KCNIP4: variants seen among roughly 807,000 people sequenced by gnomAD.
The protein encoded by KCNIP4 is potassium voltage-gated channel interacting protein 4.
KCNIP4 carries 12 observed loss-of-function variants against 34.0 expected under a neutral mutation model. That is an observed-to-expected ratio of 0.35 (90% CI 0.23 to 0.57). The LOEUF is 0.57. KCNIP4 is among the 20% of genes least tolerant of loss of function. KCNIP4 has a pLI of 0.83. For synonymous variants in KCNIP4, 124 were observed against 102.2 expected (o/e 1.21, Z -1.29); for missense variants, 238 against 311.7 (o/e 0.76, Z 1.78).
At chr4:21,623,974 T>C (rs996890351) in intron 1 of KCNIP4, among the ~76,000 whole-genome samples, 1 of 151,794 alleles carries the variant, frequency 6.6e-6, no homozygotes, top group African/African-American at 2.4e-5. Context: ...GGGTGGGTGA[T>C]GGTGATATAT....
At chr4:20,814,257 A>G (rs1206557539) in intron 3 of KCNIP4, among the ~76,000 whole-genome samples, 2 of 152,184 alleles carry the variant, frequency 1.3e-5, no homozygotes, top group African/African-American at 4.8e-5. Flanking sequence ...AGAACCACTG[A>G]TATTTAGGAC....
chr4:20,983,929 C>T (rs1161983776), intron 1 of KCNIP4: 1 of 1,536,104 alleles, frequency 6.5e-7, no homozygotes, highest in Admixed American at 2.0e-5. Flanking sequence ...TCAACATCCT[C>T]TGAGCTGGCA....
At chr4:20,828,740 T>C (rs369093518) in intron 3 of KCNIP4, among the ~76,000 whole-genome samples, 1 of 152,328 alleles carries the variant, frequency 6.6e-6, no homozygotes, top group African/African-American at 2.4e-5. Context: ...ACATTGTTTG[T>C]TGAATTTTTA....
intron 1 of KCNIP4, among the ~76,000 whole-genome samples, chr4:21,853,460 A>T (rs1724541567): frequency 6.6e-6 from 1 of 152,104 alleles, no homozygotes; most frequent in African/African-American, 2.4e-5. Flanking sequence ...TATTAGAGAA[A>T]CTGACTATAT....
chr4:21,177,483 G>A (rs1396585192), intron 1 of KCNIP4, among the ~76,000 whole-genome samples: 1 of 151,954 alleles, frequency 6.6e-6, no homozygotes, highest in East Asian at 1.9e-4. Context: ...TCAAAACATG[G>A]CTATTAAATG....
chr4:21,632,944 T>C (rs779725488), intron 1 of KCNIP4, among the ~76,000 whole-genome samples: 1 of 152,196 alleles, frequency 6.6e-6, no homozygotes, highest in Non-Finnish European at 1.5e-5. Context: ...AAAAATAATC[T>C]TATACTGAGG....
intron 1 of KCNIP4, among the ~76,000 whole-genome samples, chr4:21,634,898 T>C (rs762295932): frequency 1.3e-5 from 2 of 152,148 alleles, no homozygotes; most frequent in Non-Finnish European, 2.9e-5. Context: ...TTGAAGCAAA[T>C]TTATAAGAAT....
intron 1 of KCNIP4, among the ~76,000 whole-genome samples, chr4:21,920,970 T>A (rs1447997180): frequency 1.3e-5 from 2 of 152,188 alleles, no homozygotes; most frequent in African/African-American, 2.4e-5. Flanking sequence ...TTAGAATGCA[T>A]CCTGGTAAGT....
chr4:21,678,837 G>T (rs1438575445), intron 1 of KCNIP4, among the ~76,000 whole-genome samples: 1 of 152,108 alleles, frequency 6.6e-6, no homozygotes, highest in Non-Finnish European at 1.5e-5. Context: ...CTTGTTTGTT[G>T]AAGTCCTAAC....
intron 1 of KCNIP4, among the ~76,000 whole-genome samples, chr4:21,721,813 T>G (rs1714840712): frequency 1.3e-5 from 2 of 152,118 alleles, no homozygotes; most frequent in South Asian, 4.1e-4. Flanking sequence ...GCTAACACAA[T>G]TATGCCCGTC....
intron 1 of KCNIP4, among the ~76,000 whole-genome samples, chr4:21,288,402 A>T (rs1763243893): frequency 6.6e-6 from 1 of 152,218 alleles, no homozygotes; most frequent in African/African-American, 2.4e-5. Flanking sequence ...CCCTATCATT[A>T]TTACAGAACA....
At chr4:21,050,890 G>A (rs1742869914) in intron 1 of KCNIP4, among the ~76,000 whole-genome samples, 1 of 152,136 alleles carries the variant, frequency 6.6e-6, no homozygotes, top group South Asian at 2.1e-4. Context: ...CTGTATTTTA[G>A]TTTACCTTCA....
chr4:21,458,890 T>C (rs1729203887), intron 1 of KCNIP4, among the ~76,000 whole-genome samples: 1 of 152,034 alleles, frequency 6.6e-6, no homozygotes, highest in Non-Finnish European at 1.5e-5. Context: ...ACACCCCTCT[T>C]GTTTCTCTTA....
intron 1 of KCNIP4, among the ~76,000 whole-genome samples, chr4:21,940,732 C>T (rs1730158755): frequency 6.6e-6 from 1 of 152,126 alleles, no homozygotes; most frequent in Non-Finnish European, 1.5e-5. Flanking sequence ...TATATTCTCG[C>T]CTTTCTAAAT....
intron 1 of KCNIP4, among the ~76,000 whole-genome samples, chr4:21,648,113 T>G (rs1033771267): frequency 1.3e-5 from 2 of 151,886 alleles, no homozygotes; most frequent in African/African-American, 4.8e-5. Context: ...GACCTCGTGA[T>G]CCGCCTGCCT....
intron 1 of KCNIP4, among the ~76,000 whole-genome samples, chr4:21,407,363 A>C (rs1242610206): frequency 1.3e-5 from 2 of 151,858 alleles, no homozygotes; most frequent in African/African-American, 4.8e-5. Context: ...TCCTCATTTT[A>C]CTCATAATTG....
At chr4:21,297,401 A>C (rs1173140384) in intron 1 of KCNIP4, among the ~76,000 whole-genome samples, 1 of 152,078 alleles carries the variant, frequency 6.6e-6, no homozygotes, top group Non-Finnish European at 1.5e-5. Context: ...TCTAACCTTA[A>C]AGTTATGCCA....
intron 2 of KCNIP4, among the ~76,000 whole-genome samples, chr4:20,861,425 C>G (rs1722186560): frequency 1.3e-5 from 2 of 152,204 alleles, no homozygotes; most frequent in South Asian, 4.1e-4. Flanking sequence ...AGCAGTCAAT[C>G]CATTTGAAAC....
chr4:21,749,200 C>T (rs1393372036), intron 1 of KCNIP4, among the ~76,000 whole-genome samples: 1 of 152,128 alleles, frequency 6.6e-6, no homozygotes. Context: ...TTCTGGTGTT[C>T]ATGCTTTCCT....
Sources: allele counts gnomAD v4.1 joint callset (sites outside exome capture counted in the v4.1 genomes callset), GRCh38; gene constraint gnomAD v4.1.1; transcripts MANE v1.5; gene names NCBI Gene and HGNC (gene_info 2026-07-23, HGNC 2026-07-21).